Variants in RIOX2 observed in about 807,000 individuals in gnomAD.
RIOX2 encodes 60S ribosomal protein L27a histidine hydroxylase.
Under a neutral mutation model 51.2 loss-of-function variants are expected in RIOX2, and 43 were observed. The observed-to-expected ratio is 0.84, with a 90% CI of 0.66 to 1.08. The LOEUF (loss-of-function observed/expected upper bound fraction) is 1.08. RIOX2 is among the 50% of genes least tolerant of loss of function. The pLI is 0.00. For missense variants in RIOX2, 566 were observed against 561.7 expected, an observed-to-expected ratio of 1.01 and a Z score of -0.08; for synonymous variants, 226 against 218.5, an observed-to-expected ratio of 1.03 and a Z score of -0.30.
At position 97,951,120 on chromosome 3, in the gene RIOX2, G is replaced by A. The variant is rs1406904322; in HGVS notation, c.786-232C>T. The A allele has an allele frequency of 8.7e-6, 4 of 458,874 alleles. No homozygotes were observed. In the East Asian group the frequency reaches 1.1e-4, roughly 13 times the overall value. 28.4% of individuals were successfully genotyped at this position (458,874 alleles called of 1,614,324 possible). On this transcript the variant is annotated intron_variant, in intron 5 of 9. Coordinates refer to ENST00000394198, the MANE Select transcript of RIOX2 (RefSeq NM_153182.4). ...CAGACACTCACTTGCAAAGTTAAAA[G>A]TGGGAAGCTAGGCTTCAATACTGAT...
intron 2 of RIOX2, among the ~76,000 whole-genome samples, chr3:97,962,371 C>CG (rs1705716564): frequency 1.7e-5 from 2 of 118,432 alleles, no homozygotes; most frequent in African/African-American, 7.3e-5. Context: ...CCCCCCCCCC[C>CG]CCACATGGAG....
Position 97,944,937 on chromosome 3 carries a change from A to C in RIOX2, c.*247T>G. ...ATTGGAATTGTGCCTTTTCTACCAC[A>C]CTGGATTAAATAAACTTGTCAAAAT... On this transcript the variant is annotated 3_prime_UTR_variant, in exon 10 of 10. Coordinates refer to ENST00000394198, the MANE Select transcript of RIOX2 (RefSeq NM_153182.4). The C allele has an allele frequency of 3.3e-6, 1 of 300,944 alleles. No individual in the cohort carries two copies. The highest frequency in any genetic ancestry group is 6.1e-6 in the Non-Finnish European group (1 of 164,440). 18.6% of individuals were successfully genotyped at this position (300,944 alleles called of 1,614,324 possible).
chr3:97,957,907 C>T (rs1307207406), intron 4 of RIOX2, among the ~76,000 whole-genome samples: 6 of 152,170 alleles, frequency 3.9e-5, no homozygotes, highest in Non-Finnish European at 2.9e-5. Context: ...GTCCGCTCTG[C>T]TGGTGTAGTA....
Position 97,967,196 on chromosome 3 carries a change from G to C in RIOX2, c.398C>G (p.Ala133Gly). 1 of 1,614,110 alleles carries C rather than the reference G, an allele frequency of 6.2e-7. No homozygotes were observed. Among genetic ancestry groups the C allele is most frequent in the Non-Finnish European group, 8.5e-7 (1 of 1,180,002 alleles). The change falls in exon 2 of 10, where the codon GCA (alanine) becomes GGA (glycine). Residue 133 changes from alanine to glycine, a missense_variant. By Grantham distance (60) the Ala-to-Gly change is moderately conservative. Coordinates refer to ENST00000394198, the MANE Select transcript of RIOX2 (RefSeq NM_153182.4). The part of the protein sequence containing the change: ...QLRKDFDQKR[A>G]TIQFHQPQRF... ...CTGAGGTTGGTGAAACTGAATCGTT[G>C]CCCTTTTCTGATCAAAATCTTTTCT... is the stretch of plus-strand genomic sequence containing the variant.
intron 2 of RIOX2, among the ~76,000 whole-genome samples, chr3:97,962,386 C>G (rs1705718696): frequency 9.1e-6 from 1 of 109,386 alleles, no homozygotes; most frequent in Admixed American, 1.4e-4. Flanking sequence ...ATGGAGATGT[C>G]TTTAAGTCGG....
intron 2 of RIOX2, among the ~76,000 whole-genome samples, chr3:97,965,511 CAAAA>C (rs55974494): frequency 9.9e-6 from 1 of 100,612 alleles, no homozygotes. Context: ...GACTCTGTCT[CAAAA>C]AAAAAAAAAA....
intron 4 of RIOX2, 105 bp downstream of exon 4, chr3:97,958,946 G>T: frequency 7.9e-7 from 1 of 1,270,614 alleles, no homozygotes. Context: ...ATATTCCCAC[G>T]GGGACCATCA....
At position 97,961,798 on chromosome 3, in the gene RIOX2, G is replaced by A. The variant is rs965188240; in HGVS notation, c.433-90C>T. 3.6e-6 allele frequency: 5 copies of A among 1,398,392 alleles called. No homozygotes were observed. The African/African-American group carries it at 4.3e-5, about 12-fold the overall frequency. The allele number at this position is 1,398,392 out of a possible 1,614,324, so 86.6% of individuals were successfully genotyped here. On this transcript the variant is annotated intron_variant, in intron 2 of 9. Coordinates refer to ENST00000394198, the MANE Select transcript of RIOX2 (RefSeq NM_153182.4). ...ATAAGAGCATGTTCTTGTTCACTTA[G>A]GAAGTCTTTACTGCACAACTATTAT...
intron 2 of RIOX2, among the ~76,000 whole-genome samples, chr3:97,962,156 C>T (rs981716232): frequency 6.6e-6 from 1 of 151,988 alleles, no homozygotes; most frequent in South Asian, 2.1e-4. Flanking sequence ...GAGTGGGATG[C>T]ACTCTAGAAG....
At chr3:97,946,630 A>C (rs942717578) in intron 8 of RIOX2, among the ~76,000 whole-genome samples, 1 of 145,160 alleles carries the variant, frequency 6.9e-6, no homozygotes, top group Admixed American at 6.8e-5. Flanking sequence ...ATTCATATAT[A>C]TATTCCAACT....
intron 4 of RIOX2, among the ~76,000 whole-genome samples, chr3:97,955,889 A>G (rs1371780138): frequency 6.6e-6 from 1 of 152,220 alleles, no homozygotes; most frequent in Non-Finnish European, 1.5e-5. Flanking sequence ...TACTGTAGAA[A>G]ACTGTAACAC....
At chr3:97,956,259 T>C (rs1347993245) in intron 4 of RIOX2, among the ~76,000 whole-genome samples, 2 of 152,204 alleles carry the variant, frequency 1.3e-5, no homozygotes, top group Admixed American at 1.3e-4. Context: ...CATGACTATA[T>C]TTCATTCATT....
intron 6 of RIOX2, among the ~76,000 whole-genome samples, chr3:97,950,424 G>A (rs1392471888): frequency 6.6e-6 from 1 of 152,138 alleles, no homozygotes; most frequent in Admixed American, 6.5e-5. Flanking sequence ...AAGAACAGGA[G>A]GCCAACGAAT....
At chr3:97,961,740 C>T (rs758729522) in intron 2 of RIOX2, 32 bp from the exon 3 acceptor site, 12 of 1,555,760 alleles carry the variant, frequency 7.7e-6, no homozygotes, top group Admixed American at 4.4e-5. Context: ...AAAGGGTCGG[C>T]GTGGGGGAGT....
At chr3:97,952,072 AT>A in intron 5 of RIOX2, 1 of 845,974 alleles carries the variant, frequency 1.2e-6, no homozygotes, top group Non-Finnish European at 1.7e-6. Context: ...AAACAACCAA[AT>A]CAACAACATA....
intron 1 of RIOX2, among the ~76,000 whole-genome samples, chr3:97,968,091 G>C (rs1399466548): frequency 6.6e-6 from 1 of 152,076 alleles, no homozygotes; most frequent in Non-Finnish European, 1.5e-5. Context: ...AAAACTAACA[G>C]CCGCCCACTG....
chr3:97,952,332 G>T, intron 5 of RIOX2: 2 of 865,932 alleles, frequency 2.3e-6, no homozygotes, highest in Non-Finnish European at 1.7e-6. Context: ...GGCAACTTCT[G>T]TAACTTAGGA....
chr3:97,955,915 C>G (rs185392329), intron 4 of RIOX2, among the ~76,000 whole-genome samples: 1 of 152,222 alleles, frequency 6.6e-6, no homozygotes, highest in Non-Finnish European at 1.5e-5. Flanking sequence ...TGTTTGTGTA[C>G]TTAAATATAT....
intron 1 of RIOX2, among the ~76,000 whole-genome samples, chr3:97,970,590 T>C (rs1706091697): frequency 6.6e-6 from 1 of 152,178 alleles, no homozygotes; most frequent in Non-Finnish European, 1.5e-5. Flanking sequence ...AAGAAGACAA[T>C]GCTTTGTCTA....
Sources: allele counts gnomAD v4.1 joint callset (sites outside exome capture counted in the v4.1 genomes callset), GRCh38; gene constraint gnomAD v4.1.1; transcripts MANE v1.5; gene names NCBI Gene and HGNC (gene_info 2026-07-23, HGNC 2026-07-21).